The following CDYL variants were observed in gnomAD, a reference collection of about 807,000 sequenced individuals.
CDYL encodes the protein chromodomain Y-like protein.
CDYL carries 8 observed loss-of-function variants against 47.3 expected under a neutral mutation model. That is an observed-to-expected ratio of 0.17 (90% CI 0.10 to 0.31). The LOEUF (loss-of-function observed/expected upper bound fraction) is 0.31, where lower values mean the gene tolerates loss of function less well. Ranked by LOEUF, CDYL falls within the 10% of genes least tolerant of loss-of-function variation. The pLI, the probability that CDYL is intolerant of heterozygous loss-of-function variation, is 1.00. For synonymous variants in CDYL, 266 were observed against 265.0 expected, an observed-to-expected ratio of 1.00 and a Z score of -0.04; for missense variants, 471 against 701.4, an observed-to-expected ratio of 0.67 and a Z score of 3.71.
At chr6:4,827,071 A>G (rs1251510924) in intron 1 of CDYL, among the ~76,000 whole-genome samples, 1 of 152,066 alleles carries the variant, frequency 6.6e-6, no homozygotes, top group Non-Finnish European at 1.5e-5. Flanking sequence ...GTCTTGTTAC[A>G]GTTTTTGACT....
chr6:4,915,210 A>G (rs779444561), intron 2 of CDYL, among the ~76,000 whole-genome samples: 3 of 152,182 alleles, frequency 2.0e-5, no homozygotes, highest in Non-Finnish European at 2.9e-5. Context: ...CTAGATTCGG[A>G]TTTGTCAAAG....
chr6:4,713,533 A>T (rs6597090), intron 1 of CDYL, among the ~76,000 whole-genome samples: 57 of 151,872 alleles, frequency 3.8e-4, no homozygotes, highest in African/African-American at 1.3e-3. Flanking sequence ...CAGGTATTTC[A>T]GTATGACTTA....
At chr6:4,797,248 C>G (rs112916903) in intron 1 of CDYL, among the ~76,000 whole-genome samples, 7 of 152,080 alleles carry the variant, frequency 4.6e-5, no homozygotes, top group African/African-American at 1.7e-4. Context: ...AATCTGTAAT[C>G]TTACCCTCCA....
At chr6:4,943,136 A>G (rs577961271) in intron 4 of CDYL, among the ~76,000 whole-genome samples, 3 of 152,326 alleles carry the variant, frequency 2.0e-5, no homozygotes, top group African/African-American at 4.8e-5. Flanking sequence ...GCCCTGGGCC[A>G]GATTTCCTCT....
intron 1 of CDYL, among the ~76,000 whole-genome samples, chr6:4,816,690 T>C (rs1436102257): frequency 1.3e-5 from 2 of 152,032 alleles, no homozygotes; most frequent in Non-Finnish European, 2.9e-5. Flanking sequence ...GGTTTTGCGA[T>C]GTTGCCCAGG....
chr6:4,720,812 C>A (rs7767658), intron 2 of CDYL, among the ~76,000 whole-genome samples: 7 of 152,056 alleles, frequency 4.6e-5, no homozygotes, highest in Non-Finnish European at 8.8e-5. Flanking sequence ...GAAAAGCATT[C>A]GGATCATGGT....
At chr6:4,928,527 T>G (rs1186449553) in intron 2 of CDYL, among the ~76,000 whole-genome samples, 2 of 152,214 alleles carry the variant, frequency 1.3e-5, no homozygotes, top group Admixed American at 1.3e-4. Flanking sequence ...CCGTCAACCA[T>G]TAGTAAAGTA....
chr6:4,856,448 G>A (rs1034601236), intron 1 of CDYL, among the ~76,000 whole-genome samples: 6 of 152,166 alleles, frequency 3.9e-5, no homozygotes, highest in Admixed American at 6.5e-5. Context: ...CGTGTCTGGC[G>A]AGGAGGGAAG....
chr6:4,866,033 CA>C (rs939983727), intron 1 of CDYL, among the ~76,000 whole-genome samples: 1 of 152,068 alleles, frequency 6.6e-6, no homozygotes, highest in Non-Finnish European at 1.5e-5. Flanking sequence ...TTAGTATCAA[CA>C]AAAAACACAT....
chr6:4,750,342 A>G (rs1251000740), intron 3 of CDYL, among the ~76,000 whole-genome samples: 2 of 152,184 alleles, frequency 1.3e-5, no homozygotes, highest in East Asian at 3.9e-4. Context: ...AGCTGGGACT[A>G]CAGGTGTGCA....
At chr6:4,808,750 A>G (rs1759440563) in intron 1 of CDYL, among the ~76,000 whole-genome samples, 1 of 152,230 alleles carries the variant, frequency 6.6e-6, no homozygotes, top group Non-Finnish European at 1.5e-5. Context: ...GATTTTGTGT[A>G]CGGCTCTTTT....
intron 1 of CDYL, among the ~76,000 whole-genome samples, chr6:4,853,983 G>T (rs1308698498): frequency 1.3e-5 from 2 of 152,250 alleles, no homozygotes; most frequent in African/African-American, 2.4e-5. Context: ...TTCTGTGAAG[G>T]TGTTGTCCTG....
In CDYL at chr6:4,954,032, G is replaced by A. The variant is rs1276444661; in HGVS notation, c.1611G>A (p.Leu537=). The A allele has an allele frequency of 1.9e-6, 3 of 1,614,024 alleles. No individual in the cohort carries two copies. The highest frequency in any genetic ancestry group is 1.3e-5 in the African/African-American group (1 of 75,042). The change falls in exon 7 of 7, where the codon TTG becomes TTA. Residue 537 remains leucine (L), a synonymous_variant. Coordinates refer to ENST00000397588, the MANE Select transcript of CDYL (RefSeq NM_004824.4). Reference sequence around the variant, plus strand: ...GGATGGACTCCATGTTAAAGTACTTGCAGAGGAAGATCGATGAGTTCTGAG... The same window carrying A: ...GGATGGACTCCATGTTAAAGTACTTACAGAGGAAGATCGATGAGTTCTGAG... ...AQGMDSMLKY[L]QRKIDEF
chr6:4,810,679 G>A (rs1273607200), intron 1 of CDYL, among the ~76,000 whole-genome samples: 1 of 152,134 alleles, frequency 6.6e-6, no homozygotes, highest in African/African-American at 2.4e-5. Flanking sequence ...ATAGTCCTGG[G>A]GGCCCAGAAG....
intron 3 of CDYL, among the ~76,000 whole-genome samples, chr6:4,758,453 G>A (rs1369865516): frequency 6.6e-6 from 1 of 151,320 alleles, no homozygotes; most frequent in Non-Finnish European, 1.5e-5. Flanking sequence ...TTGAGGTCAG[G>A]AATTCGAGAC....
chr6:4,866,686 G>A (rs1235152711), intron 1 of CDYL, among the ~76,000 whole-genome samples: 2 of 152,094 alleles, frequency 1.3e-5, no homozygotes, highest in African/African-American at 2.4e-5. Context: ...ATCAAAGACA[G>A]TGAGGACTTA....
intron 1 of CDYL, among the ~76,000 whole-genome samples, chr6:4,779,987 A>G (rs921864042): frequency 9.2e-5 from 14 of 152,194 alleles, no homozygotes; most frequent in African/African-American, 3.1e-4. Flanking sequence ...AAATGTAAAA[A>G]TGATTCCTAA....
At chr6:4,920,120 C>T (rs1305306651) in intron 2 of CDYL, among the ~76,000 whole-genome samples, 1 of 152,150 alleles carries the variant, frequency 6.6e-6, no homozygotes, top group Non-Finnish European at 1.5e-5. Context: ...AATAACTAAA[C>T]AGTTCCACTT....
At chr6:4,800,868 T>G (rs946519824) in intron 1 of CDYL, among the ~76,000 whole-genome samples, 13 of 152,228 alleles carry the variant, frequency 8.5e-5, no homozygotes, top group Admixed American at 7.2e-4. Context: ...AGATTTTGTT[T>G]ATCCTTGGCT....
Sources: allele counts gnomAD v4.1 joint callset (sites outside exome capture counted in the v4.1 genomes callset), GRCh38; gene constraint gnomAD v4.1.1; transcripts MANE v1.5; gene names NCBI Gene and HGNC (gene_info 2026-07-23, HGNC 2026-07-21).